The following TLN2 variants were observed in gnomAD, a reference collection of about 807,000 sequenced individuals.
TLN2 encodes the protein talin-2.
In TLN2, 118 loss-of-function variants were observed where a neutral mutation model predicts 294.7. The observed-to-expected ratio is 0.40, with a 90% CI of 0.34 to 0.47. The LOEUF (loss-of-function observed/expected upper bound fraction) is 0.47, where lower values mean the gene tolerates loss of function less well. Among genes scored for constraint, TLN2 ranks in the 20% least tolerant of loss-of-function variants. TLN2 has a pLI of 0.84. For synonymous variants in TLN2, 1,431 were observed against 1,304.5 expected (o/e 1.10, Z -2.09); for missense variants, 3,083 against 3,282.2 (o/e 0.94, Z 1.48).
In TLN2 at chr15:62,771,019, C is replaced by G. The variant is rs149940780; in HGVS notation, c.5252C>G (p.Ala1751Gly). The G allele has an allele frequency of 6.2e-7, 1 of 1,611,474 alleles. No homozygotes were observed. The highest frequency in any genetic ancestry group is 2.2e-5 in the East Asian group (1 of 44,756). ...TTGATCTTAGCCGCAGTTGGTGTGG[C>G]CTCCAAGATTCTTGATCATCAGCAG... Reference protein sequence around the residue: ...EPLILAAVGVASKILDHQQQM... With the variant: ...EPLILAAVGVGSKILDHQQQM... The change falls in exon 42 of 59, where the codon GCC becomes GGC. Residue 1751 changes from alanine to glycine, a missense_variant. Coordinates refer to ENST00000636159, the MANE Select transcript of TLN2 (RefSeq NM_015059.3).
chr15:62,713,287 A>AC (rs948742116), intron 22 of TLN2, among the ~76,000 whole-genome samples: 13 of 151,270 alleles, frequency 8.6e-5, no homozygotes, highest in South Asian at 2.1e-4. Context: ...AAAAAAAAAA[A>AC]AACAAAAAAT....
At chr15:62,620,085 C>G (rs1001971260) in intron 3 of TLN2, among the ~76,000 whole-genome samples, 1 of 152,200 alleles carries the variant, frequency 6.6e-6, no homozygotes, top group Non-Finnish European at 1.5e-5. Flanking sequence ...AAGCAATCCT[C>G]CCACCTCAGC....
chr15:62,473,585 A>G (rs994670499), intron 1 of TLN2, among the ~76,000 whole-genome samples: 1 of 152,190 alleles, frequency 6.6e-6, no homozygotes, highest in Non-Finnish European at 1.5e-5. Flanking sequence ...AAAATTGAGT[A>G]CGGAGCACAA....
chr15:62,736,929 C>T lies in TLN2; in HGVS notation c.3410C>T (p.Ala1137Val). 2 of 1,614,196 alleles carry T rather than the reference C, an allele frequency of 1.2e-6. No individual in the cohort carries two copies. The highest frequency in any genetic ancestry group is 1.7e-6 in the Non-Finnish European group (2 of 1,180,038). The change falls in exon 29 of 59, where the codon GCC becomes GTC. Residue 1137 changes from alanine (A) to valine (V), a missense_variant. Ala to Val is a moderately conservative substitution (Grantham distance 64). Coordinates refer to ENST00000636159, the MANE Select transcript of TLN2 (RefSeq NM_015059.3). Reference protein sequence around the residue: ...AQALKTLAQAARGVAASTTDP... With the variant: ...AQALKTLAQAVRGVAASTTDP... ...GCTCTGAAAACACTGGCCCAGGCCG[C>T]CCGTGGAGTGGCTGCATCGACAACC...
chr15:62,838,521 C>G lies in TLN2; in HGVS notation c.7375-335C>G, dbSNP rs964999105. Among the ~76,000 whole-genome samples, 2 of 152,200 alleles carry G rather than the reference C, an allele frequency of 1.3e-5. 1 individual carries two copies. The highest frequency in any genetic ancestry group is 4.8e-5 in the African/African-American group (2 of 41,438). On this transcript the variant is annotated intron_variant, in intron 57 of 58. Coordinates refer to ENST00000636159, the MANE Select transcript of TLN2 (RefSeq NM_015059.3). ...GAGGTGGTTTTCCAGACCAAGGAGGCAGAACTCCGGCATGCCTCTGTTAAC... is the reference window on the plus strand; with the variant it reads ...GAGGTGGTTTTCCAGACCAAGGAGGGAGAACTCCGGCATGCCTCTGTTAAC...
intron 11 of TLN2, among the ~76,000 whole-genome samples, chr15:62,679,439 G>A (rs377129698): frequency 6.6e-6 from 1 of 151,796 alleles, no homozygotes; most frequent in Non-Finnish European, 1.5e-5. Context: ...GCCATAAAAA[G>A]GAATGAAGTA....
At chr15:62,597,846 A>G (rs1163811799) in intron 2 of TLN2, among the ~76,000 whole-genome samples, 1 of 152,220 alleles carries the variant, frequency 6.6e-6, no homozygotes, top group Non-Finnish European at 1.5e-5. Context: ...ATCATTTAAA[A>G]TAATTTTGTG....
intron 15 of TLN2, 99 bp downstream of exon 15, chr15:62,697,967 T>C: frequency 7.1e-7 from 1 of 1,415,308 alleles, no homozygotes; most frequent in Non-Finnish European, 9.5e-7. Context: ...TGGAACGCTC[T>C]CTATTTCCCG....
intron 50 of TLN2, among the ~76,000 whole-genome samples, chr15:62,805,132 C>G (rs557703423): frequency 6.6e-6 from 1 of 152,270 alleles, no homozygotes; most frequent in South Asian, 2.1e-4. Flanking sequence ...TGCTTCATTT[C>G]CCCCAACCTC....
chr15:62,592,945 A>C (rs1391649240), intron 2 of TLN2, among the ~76,000 whole-genome samples: 2 of 152,244 alleles, frequency 1.3e-5, no homozygotes, highest in African/African-American at 4.8e-5. Flanking sequence ...TAAATGCAAT[A>C]TTCTGACCTT....
intron 32 of TLN2, among the ~76,000 whole-genome samples, chr15:62,741,748 C>CGTGCGTGTGTGTGTGTGTGTGT (rs1555495652): frequency 7.6e-6 from 1 of 131,072 alleles, no homozygotes; most frequent in East Asian, 2.4e-4. Context: ...AAAATTTGCG[C>CGTGCGTGTGTGTGTGTGTGTGT]GTGTGTGTGT....
chr15:62,472,619 T>A (rs2037543830), intron 1 of TLN2, among the ~76,000 whole-genome samples: 1 of 152,194 alleles, frequency 6.6e-6, no homozygotes, highest in Non-Finnish European at 1.5e-5. Flanking sequence ...TGTTTACTAG[T>A]GAGATTTACC....
Position 62,511,994 on chromosome 15 carries a change from G to T in TLN2, c.-237-77693G>T, listed in dbSNP as rs371476562. Among the ~76,000 whole-genome samples, 23 of 152,270 alleles carry T rather than the reference G, an allele frequency of 1.5e-4. No homozygotes were observed. The South Asian group carries it at 4.8e-3, about 32-fold the overall frequency. On this transcript the variant is annotated intron_variant, in intron 1 of 58. Transcript: ENST00000636159. The stretch of plus-strand genomic sequence containing the variant: ...GTGCCCTGGTGTCTAGTCCTGGTCA[G>T]TGCACTCAGGAGGCTTGCAAAACTC...
chr15:62,568,054 G>A (rs1358463030), intron 1 of TLN2, among the ~76,000 whole-genome samples: 1 of 152,146 alleles, frequency 6.6e-6, no homozygotes, highest in Non-Finnish European at 1.5e-5. Flanking sequence ...CACGACCACA[G>A]ATATTATTAG....
At chr15:62,744,665 G>A (rs2061517646) in intron 32 of TLN2, among the ~76,000 whole-genome samples, 1 of 152,032 alleles carries the variant, frequency 6.6e-6, no homozygotes, top group South Asian at 2.1e-4. Context: ...TCCTGGCTCA[G>A]CCTCCCGAGT....
intron 1 of TLN2, among the ~76,000 whole-genome samples, chr15:62,468,680 G>A (rs2037278682): frequency 6.6e-6 from 1 of 150,728 alleles, no homozygotes; most frequent in African/African-American, 2.4e-5. Context: ...GGGAGGCGGA[G>A]CTTGCAGTGA....
intron 1 of TLN2, among the ~76,000 whole-genome samples, chr15:62,514,429 G>C (rs1206270502): frequency 6.6e-6 from 1 of 152,110 alleles, no homozygotes; most frequent in Non-Finnish European, 1.5e-5. Flanking sequence ...GTTTTAATAC[G>C]GTGCTTTTTT....
chr15:62,769,947 A>G (rs1467338928), intron 41 of TLN2, among the ~76,000 whole-genome samples: 2 of 152,334 alleles, frequency 1.3e-5, no homozygotes, highest in South Asian at 2.1e-4. Flanking sequence ...AAGTGAATAT[A>G]GCAAAATGTT....
chr15:62,645,831 G>A (rs1010597844), intron 3 of TLN2, among the ~76,000 whole-genome samples: 2 of 152,134 alleles, frequency 1.3e-5, no homozygotes, highest in African/African-American at 4.8e-5. Flanking sequence ...GATTCTATTA[G>A]CTACTAACTA....
Sources: allele counts gnomAD v4.1 joint callset (sites outside exome capture counted in the v4.1 genomes callset), GRCh38; gene constraint gnomAD v4.1.1; transcripts MANE v1.5; gene names NCBI Gene and HGNC (gene_info 2026-07-23, HGNC 2026-07-21).